PLXNB2: variants seen among roughly 807,000 people sequenced by gnomAD.
The protein encoded by PLXNB2 is plexin B2.
In PLXNB2, 85 loss-of-function variants were observed where a neutral mutation model predicts 202.6. The observed-to-expected ratio is 0.42, with a 90% CI of 0.35 to 0.50. The LOEUF (loss-of-function observed/expected upper bound fraction) is 0.50. PLXNB2 is among the 20% of genes least tolerant of loss of function. PLXNB2 has a pLI of 0.02. For synonymous variants in PLXNB2, 1,239 were observed against 1,137.6 expected, an observed-to-expected ratio of 1.09 and a Z score of -1.79; for missense variants, 2,063 against 2,586.2, an observed-to-expected ratio of 0.80 and a Z score of 4.39.
rs766643951 is a variant in PLXNB2 at position 50,288,940 on chromosome 22, C to T, written c.1251+20G>A. 2.6e-5 allele frequency: 42 copies of T among 1,605,920 alleles called. No individual in the cohort carries two copies. The highest frequency in any genetic ancestry group is 2.2e-5 in the East Asian group (1 of 44,630). ...ACAGACGGGCCCTCCAGAGCCTCCC[C>T]GCCCCAGCCTGGGCCAAACCTTGAG... On this transcript the variant is annotated intron_variant, in intron 4 of 36. Transcript: ENST00000359337. The surrounding 1 kb of genome is among the most constrained non-coding windows in gnomAD (Gnocchi z 5.0).
At position 50,284,347 on chromosome 22, in the gene PLXNB2, C is replaced by G. The variant is rs767593081; in HGVS notation, c.2182-134G>C. On this transcript the variant is annotated intron_variant, in intron 12 of 36. Coordinates refer to ENST00000359337, the MANE Select transcript of PLXNB2 (RefSeq NM_012401.4). This position sits in a 1 kb window ranked among gnomAD's most constrained non-coding sequence, Gnocchi z 8.0. ...GGCAGCAGGGGAGGCCTTCAGGTGT[C>G]GGAAGTTCGGGAACCCCATGGACGC... 4 of 876,358 alleles carry G rather than the reference C, an allele frequency of 4.6e-6. No individual in the cohort carries two copies. The highest frequency in any genetic ancestry group is 3.8e-5 in the Admixed American group (2 of 52,010). 54.3% of individuals were successfully genotyped at this position (876,358 alleles called of 1,614,324 possible). A position where few individuals can be genotyped will look rare whatever the true frequency, so the allele number is the denominator to read the frequency against.
In PLXNB2 at chr22:50,289,719, G is replaced by A; in HGVS notation, c.866C>T (p.Ser289Phe). 6.2e-7 allele frequency: 1 copy of A among 1,611,840 alleles called. No homozygotes were observed. Among genetic ancestry groups the A allele is most frequent in the Non-Finnish European group, 8.5e-7 (1 of 1,179,934 alleles). The change falls in exon 3 of 37, where the codon TCT (serine) becomes TTT (phenylalanine). Residue 289 changes from serine (S) to phenylalanine (F), a missense_variant. Ser to Phe is a radical substitution (Grantham distance 155, BLOSUM62 -2). Coordinates refer to ENST00000359337, the MANE Select transcript of PLXNB2 (RefSeq NM_012401.4). This position sits in a 1 kb window ranked among gnomAD's most constrained non-coding sequence, Gnocchi z 8.0. ...GAAGACAGCATATAGCACCCTGCCA[G>A]AGCCAGGCGCAGCCACGGAGGCGGC... ...CLAASVAAPG[S>F]GRVLYAVFSR...
chr22:50,282,989 T>A, intron 17 of PLXNB2, 61 bp downstream of exon 17: 1 of 1,574,410 alleles, frequency 6.4e-7, no homozygotes, highest in Non-Finnish European at 8.6e-7. Context: ...TCTCAGTAAG[T>A]GCCCCCCTCC....
chr22:50,284,672 A>G lies in PLXNB2; in HGVS notation c.2089-7T>C. ...CCACGTGCAGGGAGGAACCCTGCAG[A>G]CCATGCCGTCAGGACCCTGGACAGG... On this transcript the variant is annotated splice_polypyrimidine_tract_variant and splice_region_variant and intron_variant, in intron 11 of 36. Coordinates refer to ENST00000359337, the MANE Select transcript of PLXNB2 (RefSeq NM_012401.4). The surrounding 1 kb of genome is among the most constrained non-coding windows in gnomAD (Gnocchi z 8.0). The G allele has an allele frequency of 1.2e-6, 2 of 1,608,056 alleles. No homozygotes were observed. Among genetic ancestry groups the G allele is most frequent in the Non-Finnish European group, 1.7e-6 (2 of 1,175,644 alleles).
In PLXNB2 at chr22:50,289,560, TAGA is replaced by T; in HGVS notation, c.1022_1024del (p.Phe341del). Reference sequence around the variant, plus strand: ...CTGGATATCGCCGTGGAAGGGCTTGTAGAAGATGTCACGGGCCTCCCGGGTGCC... The same window carrying T: ...CTGGATATCGCCGTGGAAGGGCTTGTAGATGTCACGGGCCTCCCGGGTGCC... On this transcript the variant is annotated inframe_deletion, in exon 3 of 37. Transcript: ENST00000359337. The surrounding 1 kb of genome is among the most constrained non-coding windows in gnomAD (Gnocchi z 8.0). The T allele has an allele frequency of 1.2e-6, 2 of 1,611,932 alleles. No individual in the cohort carries two copies. The highest frequency in any genetic ancestry group is 1.7e-6 in the Non-Finnish European group (2 of 1,179,870).
chr22:50,280,816 C>T lies in PLXNB2; in HGVS notation c.3921G>A (p.Pro1307=), dbSNP rs371082124. 54 of 1,613,258 alleles carry T rather than the reference C, an allele frequency of 3.3e-5. No individual in the cohort carries two copies. Among genetic ancestry groups the T allele is most frequent in the South Asian group, 3.0e-4 (27 of 91,074 alleles). The change falls in exon 24 of 37, where the codon CCG becomes CCA. Residue 1307 remains proline, a synonymous_variant. Transcript: ENST00000359337. ...MITGKLDIPE[P]RRPVVEQALY... ...GGGCCTGCTCCACCACCGGCCGCCG[C>T]GGCTCAGGGATGTCCAGCTTGCCGG...
At chr22:50,280,714 G>GCCCCCCCCCC in intron 24 of PLXNB2, 30 bp downstream of exon 24, 8 of 1,528,868 alleles carry the variant, frequency 5.2e-6, no homozygotes, top group Non-Finnish European at 5.3e-6. Context: ...CCACCTGTGT[G>GCCCCCCCCCC]CCCTCCCGCC....
intron 35 of PLXNB2, among the ~76,000 whole-genome samples, chr22:50,276,334 C>T (rs891337922): frequency 1.3e-5 from 2 of 148,166 alleles, no homozygotes; most frequent in East Asian, 2.0e-4. Context: ...AGGGAGGGGG[C>T]GCTGTGGGCA....
chr22:50,286,402 G>A (rs1224095852), intron 8 of PLXNB2, 115 bp from the exon 9 acceptor site: 2 of 692,718 alleles, frequency 2.9e-6, no homozygotes, highest in African/African-American at 3.6e-5. Context: ...GTCTTCAGGG[G>A]GCCCTGCCAG....
rs1377431682 is a variant in PLXNB2 at position 50,297,465 on chromosome 22, G to C, written c.-73-2687C>G. Among the ~76,000 whole-genome samples the C allele has an allele frequency of 6.6e-6, 1 of 152,132 alleles. No individual in the cohort carries two copies. Among genetic ancestry groups the C allele is most frequent in the Admixed American group, 6.5e-5 (1 of 15,278 alleles). ...TTCCCTGGCCCTCACCGTGGAGAAC[G>C]GCCATGGATTTCCCCTCCCAGAGAA... On this transcript the variant is annotated intron_variant, in intron 1 of 36. Coordinates refer to ENST00000359337, the MANE Select transcript of PLXNB2 (RefSeq NM_012401.4). This position sits in a 1 kb window ranked among gnomAD's most constrained non-coding sequence, Gnocchi z 5.3.
rs1481801278 is a variant in PLXNB2 at position 50,285,991 on chromosome 22, A to G, written c.1985T>C (p.Met662Thr). 5 of 1,611,976 alleles carry G rather than the reference A, an allele frequency of 3.1e-6. No homozygotes were observed. The highest frequency in any genetic ancestry group is 4.2e-6 in the Non-Finnish European group (5 of 1,179,570). ...NPEDGIVRAHMEDSCPQFLGP... is the reference protein window; with the variant it reads ...NPEDGIVRAHTEDSCPQFLGP... The stretch of plus-strand genomic sequence containing the variant: ...CCCTGAGGCCCCGAGGCCCCTCACC[A>G]TGTGGGCACGGACGATGCCGTCCTC... Residue 662 changes from methionine to threonine, a missense_variant and splice_region_variant, in exon 10 of 37, where the codon ATG (methionine) becomes ACG (threonine). This residue lies in a region of PLXNB2 where 1,303 missense variants were observed against 1,476.8 expected (regional missense o/e 0.88). Transcript: ENST00000359337.
Position 50,285,795 on chromosome 22 carries a change from C to T in PLXNB2, c.2088+5G>A, listed in dbSNP as rs200955546. 4.4e-6 allele frequency: 7 copies of T among 1,608,246 alleles called. No homozygotes were observed. The Admixed American group carries it at 6.7e-5, about 15-fold the overall frequency. On this transcript the variant is annotated splice_donor_5th_base_variant and intron_variant, in intron 11 of 36. Transcript: ENST00000359337. Reference sequence around the variant, plus strand: ...TGTCACCAGCCGGCACCCCTCCCTCCGCACCTTCACGGTGTCCAGGTTCTT... The same window carrying T: ...TGTCACCAGCCGGCACCCCTCCCTCTGCACCTTCACGGTGTCCAGGTTCTT...
intron 1 of PLXNB2, among the ~76,000 whole-genome samples, chr22:50,295,569 TC>T (rs2067202108): frequency 2.0e-5 from 3 of 152,180 alleles, no homozygotes; most frequent in African/African-American, 4.8e-5. Context: ...TATTGTATCT[TC>T]TAGTTCTGGA....
chr22:50,280,314 C>T (rs527808137), intron 25 of PLXNB2, among the ~76,000 whole-genome samples, 175 bp downstream of exon 25: 5 of 152,312 alleles, frequency 3.3e-5, no homozygotes, highest in South Asian at 2.1e-4. Flanking sequence ...GGCTAGAGTC[C>T]GGCTTTGAGT....
chr22:50,292,848 C>T (rs1049695790), intron 2 of PLXNB2, among the ~76,000 whole-genome samples: 4 of 152,338 alleles, frequency 2.6e-5, no homozygotes, highest in Non-Finnish European at 5.9e-5. Flanking sequence ...AGTGAGACAG[C>T]GCTGCACTGG....
rs373792417 is a variant in PLXNB2, at chr22:50,283,321, G to A, written c.2679+16C>T. The A allele has an allele frequency of 5.6e-6, 9 of 1,611,840 alleles. No homozygotes were observed. Among genetic ancestry groups the A allele is most frequent in the African/African-American group, 2.7e-5 (2 of 75,022 alleles). On this transcript the variant is annotated intron_variant, in intron 16 of 36. Coordinates refer to ENST00000359337, the MANE Select transcript of PLXNB2 (RefSeq NM_012401.4). Reference sequence around the variant, plus strand: ...GTCCTCCCGGGTTCGGCAGGTCCCCGAGGCCGGGTGCTTACTTGGAAGGTG... The same window carrying A: ...GTCCTCCCGGGTTCGGCAGGTCCCCAAGGCCGGGTGCTTACTTGGAAGGTG...
In PLXNB2 at chr22:50,288,893, G is replaced by T. The variant is rs749082527; in HGVS notation, c.1252-22C>A. ...ACACCTGTGTGCGCGAGGGCAGGCC[G>T]GTGAGGGTACGGGCCTTGTGCACAG... On this transcript the variant is annotated intron_variant, in intron 4 of 36. Transcript: ENST00000359337. The surrounding 1 kb of genome is among the most constrained non-coding windows in gnomAD (Gnocchi z 5.0). 2.5e-6 allele frequency: 4 copies of T among 1,612,862 alleles called. No individual in the cohort carries two copies. Among genetic ancestry groups the T allele is most frequent in the Non-Finnish European group, 3.4e-6 (4 of 1,179,704 alleles).
intron 1 of PLXNB2, among the ~76,000 whole-genome samples, chr22:50,306,679 GCCCAC>G (rs1362547702): frequency 1.4e-5 from 2 of 141,228 alleles, no homozygotes; most frequent in East Asian, 4.4e-4. Context: ...CGGGTTTGGG[GCCCAC>G]CCTCACCCTC....
intron 1 of PLXNB2, chr22:50,300,448 C>T (rs1392574169): frequency 2.5e-6 from 1 of 393,566 alleles, no homozygotes; most frequent in African/African-American, 2.2e-5. Context: ...CGACCCTGCC[C>T]GGAGCAGCCT....
Sources: gnomAD v4.1 joint callset for allele counts (sites outside exome capture counted in the v4.1 genomes callset) on GRCh38, gnomAD v4.1.1 for gene constraint, gnomAD v4.1.1 regional missense constraint, Gnocchi (gnomAD v3.1) non-coding constraint, MANE v1.5 for transcripts, NCBI Gene and HGNC (gene_info 2026-07-23, HGNC 2026-07-21) for gene names.